Variants in IRF2BP2 observed in about 807,000 individuals in gnomAD.
The protein encoded by IRF2BP2 is interferon regulatory factor 2-binding protein 2.
Under a neutral mutation model 32.7 loss-of-function variants are expected in IRF2BP2, and 13 were observed. The observed-to-expected ratio is 0.40, with a 90% confidence interval of 0.26 to 0.63. The LOEUF (loss-of-function observed/expected upper bound fraction) is 0.63, where lower values mean the gene tolerates loss of function less well. Ranked by LOEUF, IRF2BP2 falls within the 30% of genes least tolerant of loss-of-function variation. The pLI, the probability that IRF2BP2 is intolerant of heterozygous loss-of-function variation, is 0.42. For synonymous variants in IRF2BP2, 555 were observed against 384.6 expected (o/e 1.44, Z -5.18); for missense variants, 980 against 830.6 (o/e 1.18, Z -2.21).
chr1:234,607,215 G>T lies in IRF2BP2; in HGVS notation c.1686C>A (p.Val562=), dbSNP rs199881130. The change falls in exon 2 of 2, where the codon GTC becomes GTA. Residue 562 remains valine, a synonymous_variant. Transcript: ENST00000366609. ...TTTCCCCTTGCATAAAGGCCCAGGG[G>T]ACATTGGAGCCCACAAGAGGGCATT... The part of the protein sequence containing the change: ...GEKCPLVGSN[V]PWAFMQGEIA... 1.1e-5 allele frequency: 17 copies of T among 1,614,196 alleles called. No individual in the cohort carries two copies. Among genetic ancestry groups the T allele is most frequent in the Non-Finnish European group, 1.3e-5 (15 of 1,180,034 alleles).
rs1203658057 is a variant in IRF2BP2 at position 234,607,243 on chromosome 1, T to A, written c.1658A>T (p.Glu553Val). The A allele has an allele frequency of 1.2e-6, 2 of 1,614,236 alleles. No homozygotes were observed. Among genetic ancestry groups the A allele is most frequent in the Non-Finnish European group, 1.7e-6 (2 of 1,180,038 alleles). Residue 553 changes from glutamate to valine, a missense_variant, in exon 2 of 2, where the codon GAA becomes GTA. Coordinates refer to ENST00000366609, the MANE Select transcript of IRF2BP2 (RefSeq NM_182972.3). ...ATTGGAGCCCACAAGAGGGCATTTTTCCCCACTGGGACAATAGACCTCTCC... is the reference window on the plus strand; with the variant it reads ...ATTGGAGCCCACAAGAGGGCATTTTACCCCACTGGGACAATAGACCTCTCC... ...ASGEVYCPSG[E>V]KCPLVGSNVP...
In IRF2BP2 at chr1:234,607,478, C is replaced by G. The variant is rs535523680; in HGVS notation, c.1423G>C (p.Gly475Arg). 1.9e-6 allele frequency: 3 copies of G among 1,614,122 alleles called. No individual in the cohort carries two copies. The South Asian group carries it at 3.3e-5, about 18-fold the overall frequency. ...NQRRLGPREV[G>R]GQGAGNTGGL... ...CCTGTGTTGCCTGCTCCCTGGCCCCCCACCTCTCTGGGGCCCAGCCTTCTT... is the reference window on the plus strand; with the variant it reads ...CCTGTGTTGCCTGCTCCCTGGCCCCGCACCTCTCTGGGGCCCAGCCTTCTT... The change falls in exon 2 of 2, where the codon GGG becomes CGG. Residue 475 changes from glycine to arginine, a missense_variant. Physicochemically the swap from Gly to Arg is moderately radical, Grantham distance 125 (BLOSUM62 -2). Coordinates refer to ENST00000366609, the MANE Select transcript of IRF2BP2 (RefSeq NM_182972.3).
rs761099573 is a variant in IRF2BP2 at position 234,607,102 on chromosome 1, AG to A, written c.*34del. ...TATACAATTCAAGCAGTTTTAATTAAGGGTAATCATTGGGTTTTTCTGAAAC... is the reference window on the plus strand; with the variant it reads ...TATACAATTCAAGCAGTTTTAATTAAGGTAATCATTGGGTTTTTCTGAAAC... On this transcript the variant is annotated 3_prime_UTR_variant, in exon 2 of 2. Coordinates refer to ENST00000366609, the MANE Select transcript of IRF2BP2 (RefSeq NM_182972.3). 1 of 1,464,330 alleles carries A rather than the reference AG, an allele frequency of 6.8e-7. No homozygotes were observed. The highest frequency in any genetic ancestry group is 9.5e-7 in the Non-Finnish European group (1 of 1,056,552). The allele number at this position is 1,464,330 out of a possible 1,614,324, so 90.7% of individuals were successfully genotyped here. A position where few individuals can be genotyped will look rare whatever the true frequency, so the allele number is the denominator to read the frequency against.
Position 234,608,855 on chromosome 1 carries a change from C to A in IRF2BP2, c.640G>T (p.Ala214Ser), listed in dbSNP as rs775860106. 6.0e-6 allele frequency: 8 copies of A among 1,326,650 alleles called. No individual in the cohort carries two copies. In the South Asian group the frequency reaches 1.3e-4, roughly 22 times the overall value. The allele number at this position is 1,326,650 out of a possible 1,614,324, so 82.2% of individuals were successfully genotyped here. A position where few individuals can be genotyped will look rare whatever the true frequency, so the allele number is the denominator to read the frequency against. The change falls in exon 1 of 2, where the codon GCC becomes TCC. Residue 214 changes from alanine to serine, a missense_variant. Transcript: ENST00000366609. ...GCGGCCGCGGTTCCGGACACCGCGG[C>A]TAAGGAGGCGGCAGCGCGGCCGCCG... ...GLGGRAAASL[A>S]AVSGTAAASL...
In IRF2BP2 at chr1:234,606,943, T is replaced by A; in HGVS notation, c.*194A>T. The A allele has an allele frequency of 2.0e-6, 1 of 495,826 alleles. No homozygotes were observed. 30.7% of individuals were successfully genotyped at this position (495,826 alleles called of 1,614,324 possible). A position where few individuals can be genotyped will look rare whatever the true frequency, so the allele number is the denominator to read the frequency against. ...AACGTTAACAAAAGAAAAAAATGTC[T>A]TTATAAGTACATACCTTTTGTCGTC... On this transcript the variant is annotated 3_prime_UTR_variant, in exon 2 of 2. Transcript: ENST00000366609.
In IRF2BP2 at chr1:234,606,290, G is replaced by C. The variant is rs1672157737; in HGVS notation, c.*847C>G. ...AGGGTGTTTAAAAAGATGAAGTGGC[G>C]CTGCAGAGCTGGGCTCTGCTCAAAG... On this transcript the variant is annotated 3_prime_UTR_variant, in exon 2 of 2. Coordinates refer to ENST00000366609, the MANE Select transcript of IRF2BP2 (RefSeq NM_182972.3). 1 of 152,078 alleles carries C rather than the reference G, an allele frequency of 6.6e-6. No individual in the cohort carries two copies. The highest frequency in any genetic ancestry group is 1.5e-5 in the Non-Finnish European group (1 of 68,008). The allele number at this position is 152,078 out of a possible 1,614,324, so 9.4% of individuals were successfully genotyped here.
chr1:234,609,619 G>C lies in IRF2BP2; in HGVS notation c.-125C>G. 2.3e-6 allele frequency: 1 copy of C among 425,970 alleles called. No individual in the cohort carries two copies. Among genetic ancestry groups the C allele is most frequent in the African/African-American group, 2.1e-5 (1 of 46,620 alleles). The allele number at this position is 425,970 out of a possible 1,614,324, so 26.4% of individuals were successfully genotyped here. The stretch of plus-strand genomic sequence containing the variant: ...ACCCCGCGTCTCCCCCACCAGCGGC[G>C]GCGGCGGCCGCAAAGGCGGCGGCGG... On this transcript the variant is annotated 5_prime_UTR_variant, in exon 1 of 2. Transcript: ENST00000366609.
Position 234,607,132 on chromosome 1 carries a change from A to C in IRF2BP2, c.*5T>G, listed in dbSNP as rs377533201. ...AATCATTGGGTTTTTCTGAAACCGG[A>C]AAAGTCACGAGTCTCTCTCTTTTTT... On this transcript the variant is annotated 3_prime_UTR_variant, in exon 2 of 2. Transcript: ENST00000366609. The C allele has an allele frequency of 4.4e-6, 7 of 1,601,272 alleles. No homozygotes were observed. The Admixed American group carries it at 6.8e-5, about 16-fold the overall frequency.
rs758391113 is a variant in IRF2BP2, at chr1:234,607,779, T to C, written c.1122A>G (p.Gly374=). Residue 374 remains glycine, a synonymous_variant, in exon 2 of 2, where the codon GGA becomes GGG. Coordinates refer to ENST00000366609, the MANE Select transcript of IRF2BP2 (RefSeq NM_182972.3). The part of the protein sequence containing the change: ...EGEVGPPKIN[G]EAQPWLSTST... ...ATGTGGACAGCCACGGCTGGGCCTC[T>C]CCGTTGATCTTAGGGGGCCCGACTT... 12 of 1,613,428 alleles carry C rather than the reference T, an allele frequency of 7.4e-6. No homozygotes were observed. The East Asian group carries it at 2.0e-4, about 27-fold the overall frequency.
At position 234,608,536 on chromosome 1, in the gene IRF2BP2, G is replaced by A. The variant is rs774163577; in HGVS notation, c.959C>T (p.Pro320Leu). 35 of 1,610,064 alleles carry A rather than the reference G, an allele frequency of 2.2e-5. No homozygotes were observed. In the African/African-American group the frequency reaches 3.2e-4, roughly 15 times the overall value. ...CTCCTTCTTAAACTTGCTCTCGAAG[G>A]GCCCCGAGTGGCCGTGCTGGTGCAG... is the stretch of plus-strand genomic sequence containing the variant. ...LALHQHGHSG[P>L]FESKFKKEPA... The change falls in exon 1 of 2, where the codon CCC (proline) becomes CTC (leucine). Residue 320 changes from proline to leucine, a missense_variant. Physicochemically the swap from Pro to Leu is moderately conservative, Grantham distance 98 (BLOSUM62 -3). Coordinates refer to ENST00000366609, the MANE Select transcript of IRF2BP2 (RefSeq NM_182972.3).
At chr1:234,608,293 G>C (rs993307830) in intron 1 of IRF2BP2, among the ~76,000 whole-genome samples, 154 bp downstream of exon 1, 1 of 152,192 alleles carries the variant, frequency 6.6e-6, no homozygotes, top group Non-Finnish European at 1.5e-5. Context: ...TGAACACGTT[G>C]CCACCAAGCA....
chr1:234,609,305 C>A lies in IRF2BP2; in HGVS notation c.190G>T (p.Gly64Cys). The A allele has an allele frequency of 6.7e-7, 1 of 1,496,738 alleles. No homozygotes were observed. The highest frequency in any genetic ancestry group is 8.9e-7 in the Non-Finnish European group (1 of 1,123,202). The allele number at this position is 1,496,738 out of a possible 1,614,324, so 92.7% of individuals were successfully genotyped here. The change falls in exon 1 of 2, where the codon GGC becomes TGC. Residue 64 changes from glycine (G) to cysteine (C), a missense_variant. Transcript: ENST00000366609. ...GGGGAGCGACCCTCCGGGAAGCAGC[C>A]GTGCGCCCGCTTGAGCTGCCGCGCC... Reference protein sequence around the residue: ...ETARQLKRAHGCFPEGRSPPG... With the variant: ...ETARQLKRAHCCFPEGRSPPG...
In IRF2BP2 at chr1:234,608,118, A is replaced by AGTACCCTC. The variant is rs1672217645; in HGVS notation, c.1049-274_1049-267dup. 3 of 541,974 alleles carry AGTACCCTC rather than the reference A, an allele frequency of 5.5e-6. No homozygotes were observed. The South Asian group carries it at 8.0e-5, about 14-fold the overall frequency. 33.6% of individuals were successfully genotyped at this position (541,974 alleles called of 1,614,324 possible). On this transcript the variant is annotated intron_variant, in intron 1 of 1. Coordinates refer to ENST00000366609, the MANE Select transcript of IRF2BP2 (RefSeq NM_182972.3). ...CTGCCTGTTTGTACACATGCACAAAAGTACCCTCGTTTGCACTCAACATGT... is the reference window on the plus strand; with the variant it reads ...CTGCCTGTTTGTACACATGCACAAAAGTACCCTCGTACCCTCGTTTGCACTCAACATGT...
rs574650661 is a variant in IRF2BP2, at chr1:234,606,549, C to T, written c.*588G>A. The T allele has an allele frequency of 1.3e-5, 2 of 152,252 alleles. No individual in the cohort carries two copies. Among genetic ancestry groups the T allele is most frequent in the South Asian group, 4.1e-4 (2 of 4,830 alleles). 9.4% of individuals were successfully genotyped at this position (152,252 alleles called of 1,614,324 possible). ...AGTCATCAGTATCTCAGGAACTGAA[C>T]TTTTGAGCAAAATAGAGATTCAAAA... On this transcript the variant is annotated 3_prime_UTR_variant, in exon 2 of 2. Coordinates refer to ENST00000366609, the MANE Select transcript of IRF2BP2 (RefSeq NM_182972.3).
rs142062357 is a variant in IRF2BP2, at chr1:234,607,391, G to A, written c.1510C>T (p.Leu504=). 563 of 1,614,164 alleles carry A rather than the reference G, an allele frequency of 3.5e-4. 3 individuals carry two copies. Among genetic ancestry groups the A allele is most frequent in the Non-Finnish European group, 9.3e-6 (11 of 1,179,986 alleles). The change falls in exon 2 of 2, where the codon CTG becomes TTG. Residue 504 remains leucine (L), a synonymous_variant. Transcript: ENST00000366609. Reference sequence around the variant, plus strand: ...CGCTCGTGGCAGAGGGTGCAGCACAGCGGGGCACTGGTTGCCAGAGAGGAG... The same window carrying A: ...CGCTCGTGGCAGAGGGTGCAGCACAACGGGGCACTGGTTGCCAGAGAGGAG... ...PDSSLATSAP[L]CCTLCHERLE... is the part of the protein sequence containing the mutation.
At position 234,609,358 on chromosome 1, in the gene IRF2BP2, G is replaced by C; in HGVS notation, c.137C>G (p.Ala46Gly). 6.5e-7 allele frequency: 1 copy of C among 1,546,734 alleles called. No homozygotes were observed. Among genetic ancestry groups the C allele is most frequent in the Non-Finnish European group, 8.7e-7 (1 of 1,149,268 alleles). Residue 46 changes from alanine to glycine, a missense_variant, in exon 1 of 2, where the codon GCC (alanine) becomes GGC (glycine). By Grantham distance (60) the Ala-to-Gly change is moderately conservative. Transcript: ENST00000366609. ...VCRGCVNYEG[A>G]DRVEFVIETA... ...CTCGATGACGAACTCGACGCGGTCG[G>C]CGCCCTCGTAGTTGACGCAGCCGCG...
Position 234,609,321 on chromosome 1 carries a change from C to A in IRF2BP2, c.174G>T (p.Gln58His). The A allele has an allele frequency of 6.6e-7, 1 of 1,515,700 alleles. No individual in the cohort carries two copies. The highest frequency in any genetic ancestry group is 8.8e-7 in the Non-Finnish European group (1 of 1,133,576). The allele number at this position is 1,515,700 out of a possible 1,614,324, so 93.9% of individuals were successfully genotyped here. Residue 58 changes from glutamine (Q) to histidine (H), a missense_variant, in exon 1 of 2, where the codon CAG becomes CAT. By Grantham distance (24) the Gln-to-His change is conservative. Transcript: ENST00000366609. ...GGAAGCAGCCGTGCGCCCGCTTGAG[C>A]TGCCGCGCCGTCTCGATGACGAACT... The part of the protein sequence containing the change: ...RVEFVIETAR[Q>H]LKRAHGCFPE...
chr1:234,608,354 C>A (rs145456952), intron 1 of IRF2BP2, 93 bp downstream of exon 1: 15 of 1,078,748 alleles, frequency 1.4e-5, no homozygotes, highest in Middle Eastern at 2.2e-4. Context: ...TGTTTCTGGG[C>A]TGGGGTAAAA....
rs1189087581 is a variant in IRF2BP2, at chr1:234,609,886, C to G, written c.-392G>C. ...GGGCGCGGGGGAGCGCAGCAGGTCGCGGCGGCGGCCGGCACGGAGTGCGGG... is the reference window on the plus strand; with the variant it reads ...GGGCGCGGGGGAGCGCAGCAGGTCGGGGCGGCGGCCGGCACGGAGTGCGGG... On this transcript the variant is annotated 5_prime_UTR_variant, in exon 1 of 2. Transcript: ENST00000366609. Among the ~76,000 whole-genome samples, 1 of 125,388 alleles carries G rather than the reference C, an allele frequency of 8.0e-6. No individual in the cohort carries two copies. Among genetic ancestry groups the G allele is most frequent in the Non-Finnish European group, 1.7e-5 (1 of 59,706 alleles). 82.3% of individuals were successfully genotyped at this position (125,388 alleles called of 152,430 possible). A position where few individuals can be genotyped will look rare whatever the true frequency, so the allele number is the denominator to read the frequency against.
Sources: allele counts gnomAD v4.1 joint callset (sites outside exome capture counted in the v4.1 genomes callset), GRCh38; gene constraint gnomAD v4.1.1; transcripts MANE v1.5; gene names NCBI Gene and HGNC (gene_info 2026-07-23, HGNC 2026-07-21).